The following RASA3 variants were observed in gnomAD, a reference collection of about 807,000 sequenced individuals.
The protein encoded by RASA3 is RAS p21 protein activator 3, also known as ras GTPase-activating protein 3.
A neutral mutation model predicts 110.0 loss-of-function variants in RASA3; 73 were observed. The ratio of observed to expected loss-of-function variants is 0.66; its 90% CI spans 0.55 to 0.81. RASA3 has a LOEUF of 0.81. RASA3 is among the 30% of genes least tolerant of loss of function. RASA3 has a pLI of 0.00. For synonymous variants in RASA3, 500 were observed against 451.4 expected (o/e 1.11, Z -1.37); for missense variants, 976 against 1,113.2 (o/e 0.88, Z 1.75).
At chr13:114,049,420 C>T (rs1324184656) in intron 3 of RASA3, among the ~76,000 whole-genome samples, 1 of 152,172 alleles carries the variant, frequency 6.6e-6, no homozygotes, top group East Asian at 1.9e-4. Flanking sequence ...TACTAGCAGA[C>T]GACGTCAACA....
At chr13:114,033,149 C>T (rs1443736095) in intron 4 of RASA3, among the ~76,000 whole-genome samples, 5 of 93,278 alleles carry the variant, frequency 5.4e-5, no homozygotes, top group East Asian at 3.7e-4. Context: ...GACACCACAC[C>T]CCACGGCACC....
intron 2 of RASA3, among the ~76,000 whole-genome samples, chr13:114,053,938 C>T (rs929516741): frequency 6.6e-6 from 1 of 152,150 alleles, no homozygotes; most frequent in Non-Finnish European, 1.5e-5. Context: ...CCAGCCTGGC[C>T]AACATGGCAA....
intron 1 of RASA3, among the ~76,000 whole-genome samples, chr13:114,126,569 C>T (rs2080452945): frequency 6.6e-6 from 1 of 152,200 alleles, no homozygotes; most frequent in Non-Finnish European, 1.5e-5. Flanking sequence ...AAACCAAAAA[C>T]AAAAGCCACC....
In RASA3 at chr13:114,056,979, CT is replaced by C. The variant is rs1056812442; in HGVS notation, c.174-4825del. Among the ~76,000 whole-genome samples, 21 of 152,128 alleles carry C rather than the reference CT, an allele frequency of 1.4e-4. No individual in the cohort carries two copies. Among genetic ancestry groups the C allele is most frequent in the Admixed American group, 2.6e-4 (4 of 15,274 alleles). ...GGGGCCCTCTGTCAGGCTGCCCCCCCTGCTAAGAGGAGCTGTTGTCCTTGGG... is the reference window on the plus strand; with the variant it reads ...GGGGCCCTCTGTCAGGCTGCCCCCCCGCTAAGAGGAGCTGTTGTCCTTGGG... On this transcript the variant is annotated intron_variant, in intron 2 of 23. Coordinates refer to ENST00000334062, the MANE Select transcript of RASA3 (RefSeq NM_007368.4). This position sits in a 1 kb window ranked among gnomAD's most constrained non-coding sequence, Gnocchi z 5.7.
intron 16 of RASA3, among the ~76,000 whole-genome samples, chr13:114,010,799 CGCGAGGGGAGTAGGGGGCT>C (rs2053620486): frequency 8.0e-6 from 1 of 124,750 alleles, no homozygotes; most frequent in African/African-American, 3.9e-5. Context: ...AGGAGGGGGC[CGCGAGGGGAGTAGGGGGCT>C]GCGTGACGAG....
At position 114,112,757 on chromosome 13, in the gene RASA3, C is replaced by A. The variant is rs1303478712; in HGVS notation, c.55+19678G>T. On this transcript the variant is annotated intron_variant, in intron 1 of 23. Coordinates refer to ENST00000334062, the MANE Select transcript of RASA3 (RefSeq NM_007368.4). This position sits in a 1 kb window ranked among gnomAD's most constrained non-coding sequence, Gnocchi z 4.8. ...AAGGTGCCCCGACTGCCAGCGTCCA[C>A]TCCCCGTGGGGCCGCAGGGTACACC... Among the ~76,000 whole-genome samples the A allele has an allele frequency of 6.6e-6, 1 of 152,066 alleles. No homozygotes were observed. Among genetic ancestry groups the A allele is most frequent in the East Asian group, 1.9e-4 (1 of 5,150 alleles).
At chr13:114,039,632 C>T (rs2054355070) in intron 4 of RASA3, among the ~76,000 whole-genome samples, 1 of 152,242 alleles carries the variant, frequency 6.6e-6, no homozygotes, top group African/African-American at 2.4e-5. Flanking sequence ...GACCAGGGCT[C>T]AGGGTGACCC....
At chr13:114,094,750 A>G (rs1232896761) in intron 1 of RASA3, among the ~76,000 whole-genome samples, 1 of 152,218 alleles carries the variant, frequency 6.6e-6, no homozygotes, top group African/African-American at 2.4e-5. Flanking sequence ...TTTAGAGCTT[A>G]TATTTAATTG....
intron 10 of RASA3, among the ~76,000 whole-genome samples, chr13:114,018,464 C>T (rs1414795857): frequency 6.6e-6 from 1 of 152,192 alleles, no homozygotes; most frequent in Non-Finnish European, 1.5e-5. Flanking sequence ...CTAGCGACCC[C>T]CCCATGCAGC....
At position 114,065,304 on chromosome 13, in the gene RASA3, G is replaced by A. The variant is rs1026417102; in HGVS notation, c.173+8416C>T. 6.6e-6 allele frequency among the ~76,000 whole-genome samples: 1 copy of A among 152,250 alleles called. No individual in the cohort carries two copies. Among genetic ancestry groups the A allele is most frequent in the African/African-American group, 2.4e-5 (1 of 41,474 alleles). On this transcript the variant is annotated intron_variant, in intron 2 of 23. Coordinates refer to ENST00000334062, the MANE Select transcript of RASA3 (RefSeq NM_007368.4). The surrounding 1 kb of genome is among the most constrained non-coding windows in gnomAD (Gnocchi z 4.1). ...ATAAGAAAATAAACCTGGTTTCCCA[G>A]CTCTGTGCTCTGCCGCAGGCTCGGG...
chr13:114,120,098 G>A (rs1566587836), intron 1 of RASA3, among the ~76,000 whole-genome samples: 1 of 94,334 alleles, frequency 1.1e-5, no homozygotes, highest in Non-Finnish European at 2.1e-5. Context: ...CCAGCCAGGC[G>A]TCGATCAGGG....
intron 4 of RASA3, among the ~76,000 whole-genome samples, chr13:114,039,758 G>C (rs2054358077): frequency 6.6e-6 from 1 of 152,248 alleles, no homozygotes; most frequent in African/African-American, 2.4e-5. Flanking sequence ...TCCGTGAGCA[G>C]CTGTGAACAC....
chr13:114,095,176 CTT>C (rs1461499241), intron 1 of RASA3, among the ~76,000 whole-genome samples: 1 of 152,190 alleles, frequency 6.6e-6, no homozygotes, highest in Non-Finnish European at 1.5e-5. Context: ...CAAATAATGA[CTT>C]GGCTACCTAT....
chr13:114,130,805 C>T (rs1256911405), intron 1 of RASA3, among the ~76,000 whole-genome samples: 2 of 152,196 alleles, frequency 1.3e-5, no homozygotes, highest in African/African-American at 4.8e-5. Context: ...CCTGGCACTG[C>T]CCCACAGGGG....
chr13:114,108,432 CCCAT>C (rs1270623850), intron 1 of RASA3, among the ~76,000 whole-genome samples: 1 of 125,770 alleles, frequency 8.0e-6, no homozygotes, highest in Non-Finnish European at 1.7e-5. Context: ...TCCATCATCC[CCCAT>C]CCATCACCCC....
At chr13:114,027,558 T>C in intron 6 of RASA3, 97 bp from the exon 7 acceptor site, 2 of 895,544 alleles carry the variant, frequency 2.2e-6, no homozygotes, top group Admixed American at 4.9e-5. Context: ...AAGTCACTTA[T>C]TGGCTTTATT....
In RASA3 at chr13:114,081,489, A is replaced by G. The variant is rs189531758; in HGVS notation, c.56-7652T>C. ...TGCCTGTGAATCCAGCTGGTCTACA[A>G]TGAGCCGCTGGGGAAAATACTTCAA... On this transcript the variant is annotated intron_variant, in intron 1 of 23. Coordinates refer to ENST00000334062, the MANE Select transcript of RASA3 (RefSeq NM_007368.4). Among the ~76,000 whole-genome samples, 15 of 152,184 alleles carry G rather than the reference A, an allele frequency of 9.9e-5. No individual in the cohort carries two copies. In the East Asian group the frequency reaches 2.3e-3, roughly 24 times the overall value.
intron 23 of RASA3, among the ~76,000 whole-genome samples, chr13:113,980,924 T>C (rs2052919434): frequency 6.6e-6 from 1 of 150,738 alleles, no homozygotes; most frequent in Non-Finnish European, 1.5e-5. Context: ...AAGAGAGGAG[T>C]GAGCAGGAGG....
Position 114,029,905 on chromosome 13 carries a change from G to A in RASA3, c.373-18C>T, listed in dbSNP as rs373948993. ...ACTTTGCCCTGCAAGGCACAAGGAT[G>A]GGGTGTCAGAGGCTGTGGCGCTGCT... On this transcript the variant is annotated intron_variant, in intron 4 of 23. Coordinates refer to ENST00000334062, the MANE Select transcript of RASA3 (RefSeq NM_007368.4). 591 of 1,547,052 alleles carry A rather than the reference G, an allele frequency of 3.8e-4. No individual in the cohort carries two copies. Among genetic ancestry groups the A allele is most frequent in the Non-Finnish European group, 4.8e-4 (546 of 1,148,236 alleles).
Sources: allele counts gnomAD v4.1 joint callset (sites outside exome capture counted in the v4.1 genomes callset), GRCh38; gene constraint gnomAD v4.1.1; non-coding constraint Gnocchi (gnomAD v3.1); transcripts MANE v1.5; gene names NCBI Gene and HGNC (gene_info 2026-07-23, HGNC 2026-07-21).